Variants in ITFG1 observed in about 807,000 individuals in gnomAD.
The protein encoded by ITFG1 is integrin alpha FG-GAP repeat containing 1.
Under a neutral mutation model 81.8 loss-of-function variants are expected in ITFG1, and 34 were observed. That is an observed-to-expected ratio of 0.42 (90% CI 0.32 to 0.55). The LOEUF is 0.55. ITFG1 is among the 20% of genes least tolerant of loss of function. The pLI is 0.17. For missense variants in ITFG1, 672 were observed against 755.4 expected, an observed-to-expected ratio of 0.89 and a Z score of 1.29; for synonymous variants, 285 against 270.6, an observed-to-expected ratio of 1.05 and a Z score of -0.52.
chr16:47,215,218 G>T (rs1057218331), intron 14 of ITFG1, among the ~76,000 whole-genome samples: 1 of 152,154 alleles, frequency 6.6e-6, no homozygotes, highest in Admixed American at 6.5e-5. Context: ...TGCTGATGGG[G>T]TAGGATGGGA....
intron 12 of ITFG1, among the ~76,000 whole-genome samples, chr16:47,255,466 T>C (rs1049435584): frequency 5.9e-5 from 9 of 152,236 alleles, no homozygotes; most frequent in African/African-American, 2.2e-4. Context: ...ACTGACTTAG[T>C]TGTGTCCCTA....
At chr16:47,192,685 T>C (rs997944445) in intron 14 of ITFG1, among the ~76,000 whole-genome samples, 2 of 152,214 alleles carry the variant, frequency 1.3e-5, no homozygotes, top group African/African-American at 4.8e-5. Context: ...AAAACCCAGC[T>C]TGGTTAGGTG....
At chr16:47,377,809 G>A (rs781570424) in intron 6 of ITFG1, among the ~76,000 whole-genome samples, 1 of 152,126 alleles carries the variant, frequency 6.6e-6, no homozygotes, top group Non-Finnish European at 1.5e-5. Context: ...CATGCCTAAC[G>A]GATTTTTCTA....
At chr16:47,405,632 T>G (rs991202509) in intron 6 of ITFG1, among the ~76,000 whole-genome samples, 4 of 152,188 alleles carry the variant, frequency 2.6e-5, no homozygotes, top group African/African-American at 9.6e-5. Context: ...AGTTTTACAA[T>G]ATGTGTACTG....
chr16:47,175,785 T>G (rs926276773), intron 14 of ITFG1, among the ~76,000 whole-genome samples: 2 of 152,232 alleles, frequency 1.3e-5, no homozygotes, highest in African/African-American at 2.4e-5. Flanking sequence ...TCTTGCTATG[T>G]GGCTCAGGTA....
intron 3 of ITFG1, 30 bp from the exon 4 acceptor site, chr16:47,452,820 T>G: frequency 8.6e-7 from 1 of 1,167,724 alleles, no homozygotes; most frequent in Non-Finnish European, 1.2e-6. Flanking sequence ...ATATATGAAT[T>G]AGCAGGCATT....
At chr16:47,368,059 C>T (rs924213169) in intron 7 of ITFG1, among the ~76,000 whole-genome samples, 1 of 151,556 alleles carries the variant, frequency 6.6e-6, no homozygotes, top group Non-Finnish European at 1.5e-5. Flanking sequence ...ACGGTGAAAC[C>T]CCGTCTCTAC....
At chr16:47,213,916 C>A (rs1041526415) in intron 14 of ITFG1, among the ~76,000 whole-genome samples, 1 of 152,162 alleles carries the variant, frequency 6.6e-6, no homozygotes, top group Non-Finnish European at 1.5e-5. Context: ...GCCATTCCAG[C>A]AAATGACTGA....
intron 6 of ITFG1, among the ~76,000 whole-genome samples, chr16:47,405,889 A>G (rs1415293054): frequency 1.3e-5 from 2 of 152,230 alleles, no homozygotes; most frequent in Non-Finnish European, 2.9e-5. Context: ...CTAATAATAG[A>G]TACTTATAAT....
chr16:47,461,234 C>T, upstream of ITFG1: 1 of 999,846 alleles, frequency 1.0e-6, no homozygotes, highest in Non-Finnish European at 1.5e-6. Context: ...GGGTGAAAGC[C>T]GCCCTCACGC....
At chr16:47,302,594 G>A (rs1486155651) in intron 10 of ITFG1, among the ~76,000 whole-genome samples, 5 of 152,010 alleles carry the variant, frequency 3.3e-5, no homozygotes, top group Non-Finnish European at 7.4e-5. Flanking sequence ...CAATTTAAAC[G>A]TTGTAAAAAC....
chr16:47,415,664 C>A (rs1239925630), intron 6 of ITFG1, among the ~76,000 whole-genome samples: 1 of 152,060 alleles, frequency 6.6e-6, no homozygotes, highest in Non-Finnish European at 1.5e-5. Flanking sequence ...TAATGAAATA[C>A]CATTTTTTCC....
chr16:47,318,799 C>T (rs1280998777), intron 8 of ITFG1, among the ~76,000 whole-genome samples: 1 of 152,068 alleles, frequency 6.6e-6, no homozygotes, highest in Non-Finnish European at 1.5e-5. Flanking sequence ...AATTGCCTGG[C>T]TTTAAAATAA....
At chr16:47,349,164 G>A (rs981087578) in intron 8 of ITFG1, among the ~76,000 whole-genome samples, 2 of 152,090 alleles carry the variant, frequency 1.3e-5, no homozygotes, top group African/African-American at 4.8e-5. Context: ...AATGAGCAAA[G>A]TTACCAGCTA....
intron 13 of ITFG1, among the ~76,000 whole-genome samples, chr16:47,225,914 G>A (rs761297744): frequency 2.0e-5 from 3 of 152,014 alleles, no homozygotes; most frequent in South Asian, 2.1e-4. Flanking sequence ...AAAAAAAAAG[G>A]AACTGTAGGT....
At chr16:47,196,814 C>T (rs1965363733) in intron 14 of ITFG1, 1 of 152,232 alleles carries the variant, frequency 6.6e-6, no homozygotes, top group East Asian at 1.9e-4. Context: ...AAATTAATCC[C>T]AGCTACTCGG....
intron 13 of ITFG1, among the ~76,000 whole-genome samples, chr16:47,234,161 T>G (rs528955633): frequency 6.6e-5 from 10 of 152,114 alleles, no homozygotes; most frequent in African/African-American, 2.2e-4. Context: ...AAAGGAAGTA[T>G]CAAAACAAGA....
chr16:47,420,234 T>A (rs1018485097), intron 6 of ITFG1, among the ~76,000 whole-genome samples: 1 of 152,114 alleles, frequency 6.6e-6, no homozygotes, highest in African/African-American at 2.4e-5. Flanking sequence ...TAAAAATTAG[T>A]TGATTTTTTT....
chr16:47,265,453 T>C (rs1278456703), intron 10 of ITFG1, among the ~76,000 whole-genome samples: 3 of 152,104 alleles, frequency 2.0e-5, no homozygotes, highest in Non-Finnish European at 2.9e-5. Context: ...AAAACCAACA[T>C]AGTATGGTGT....
Sources: allele counts gnomAD v4.1 joint callset (sites outside exome capture counted in the v4.1 genomes callset), GRCh38; gene constraint gnomAD v4.1.1; transcripts MANE v1.5; gene names NCBI Gene and HGNC (gene_info 2026-07-23, HGNC 2026-07-21).